Variants in DDX19A observed in about 807,000 individuals in gnomAD.
DDX19A encodes ATP-dependent RNA helicase DDX19A.
In DDX19A, 12 loss-of-function variants were observed where a neutral mutation model predicts 60.6. The ratio of observed to expected loss-of-function variants is 0.20; its 90% confidence interval spans 0.13 to 0.32. DDX19A has a LOEUF of 0.32. Ranked by LOEUF, DDX19A falls within the 10% of genes least tolerant of loss-of-function variation. DDX19A has a pLI of 1.00. For missense variants in DDX19A, 337 were observed against 600.6 expected, an observed-to-expected ratio of 0.56 and a Z score of 4.59; for synonymous variants, 206 against 218.2, an observed-to-expected ratio of 0.94 and a Z score of 0.49.
In DDX19A at chr16:70,356,172, C is replaced by T; in HGVS notation, c.218C>T (p.Thr73Ile). 1.2e-6 allele frequency: 2 copies of T among 1,614,030 alleles called. No homozygotes were observed. Among genetic ancestry groups the T allele is most frequent in the Admixed American group, 1.7e-5 (1 of 59,972 alleles). ...ATCAGAAGCAACCTTGTTGATAACA[C>T]AAACCAAGTGGAAGTCCTGCAACGG... ...KLIRSNLVDN[T>I]NQVEVLQRDP... The change falls in exon 4 of 12, where the codon ACA (threonine) becomes ATA (isoleucine). Residue 73 changes from threonine (T) to isoleucine (I), a missense_variant. By Grantham distance (89) the Thr-to-Ile change is moderately conservative. Around this residue, in one of 6 missense-constraint regions of DDX19A, gnomAD observed 127 missense variants for 160.3 expected, o/e 0.79. Transcript: ENST00000302243.
intron 4 of DDX19A, among the ~76,000 whole-genome samples, chr16:70,357,362 GTTTGTTTTTTTT>G (rs1964234692): frequency 1.2e-4 from 6 of 48,862 alleles, no homozygotes; most frequent in African/African-American, 4.8e-4. Context: ...TCTGTTTTTG[GTTTGTTTTTTTT>G]TTTTTTTTTT....
intron 1 of DDX19A, among the ~76,000 whole-genome samples, chr16:70,348,626 CAAAAA>C (rs1244983371): frequency 2.9e-5 from 1 of 34,890 alleles, no homozygotes; most frequent in Non-Finnish European, 5.4e-5. Context: ...GACTCTGTCT[CAAAAA>C]AAAAAAAAAA....
chr16:70,372,656 TGA>T lies in DDX19A; in HGVS notation c.*678_*679del, dbSNP rs200206359. 0.026 allele frequency: 4,046 copies of T among 153,284 alleles called. 87 individuals carry two copies. The highest frequency in any genetic ancestry group is 0.088 in the Middle Eastern group (26 of 296). The allele number at this position is 153,284 out of a possible 1,614,324, so 9.5% of individuals were successfully genotyped here. On this transcript the variant is annotated 3_prime_UTR_variant, in exon 12 of 12. Coordinates refer to ENST00000302243, the MANE Select transcript of DDX19A (RefSeq NM_018332.5). ...CACGAAAGTCTGAATCCTGACCCCT[TGA>T]GAGAGAGTGATCTGGCGAGGGCCGA...
At chr16:70,355,161 G>A (rs922162701) in intron 2 of DDX19A, among the ~76,000 whole-genome samples, 6 of 151,868 alleles carry the variant, frequency 4.0e-5, no homozygotes, top group Admixed American at 2.6e-4. Flanking sequence ...TCACTTGATC[G>A]AGGTCAGGAG....
Position 70,364,524 on chromosome 16 carries a change from C to G in DDX19A, c.387-19C>G. 1.9e-6 allele frequency: 3 copies of G among 1,578,640 alleles called. No individual in the cohort carries two copies. Among genetic ancestry groups the G allele is most frequent in the Non-Finnish European group, 2.6e-6 (3 of 1,149,272 alleles). ...AGTTTCACCAATTTAAGTTTCATTTCTGTTCTTCCTTGATCCAGCCCACAG... is the reference window on the plus strand; with the variant it reads ...AGTTTCACCAATTTAAGTTTCATTTGTGTTCTTCCTTGATCCAGCCCACAG... On this transcript the variant is annotated intron_variant, in intron 5 of 11. Coordinates refer to ENST00000302243, the MANE Select transcript of DDX19A (RefSeq NM_018332.5).
intron 10 of DDX19A, 59 bp from the exon 11 acceptor site, chr16:70,371,313 G>A (rs1964681576): frequency 2.5e-6 from 4 of 1,614,062 alleles, no homozygotes; most frequent in Non-Finnish European, 3.4e-6. Context: ...ACCTATGGAT[G>A]ACAGTGATTT....
At chr16:70,357,276 T>A (rs867858597) in intron 4 of DDX19A, among the ~76,000 whole-genome samples, 6,249 of 138,226 alleles carry the variant, frequency 0.045, 617 homozygotes, top group African/African-American at 0.16. Flanking sequence ...AAAAAATATA[T>A]ATATATATAT....
chr16:70,355,402 C>A, intron 2 of DDX19A, 83 bp from the exon 3 acceptor site: 1 of 972,150 alleles, frequency 1.0e-6, no homozygotes, highest in Non-Finnish European at 1.6e-6. Context: ...AAATAAATTT[C>A]AGTGTATTTA....
At chr16:70,364,788 C>A in intron 6 of DDX19A, 143 bp downstream of exon 6, 1 of 705,028 alleles carries the variant, frequency 1.4e-6, no homozygotes, top group Non-Finnish European at 2.4e-6. Flanking sequence ...CAGGCCCTGA[C>A]CTGGGAGAAT....
rs1249476756 is a variant in DDX19A, at chr16:70,373,050, TG to T, written c.*1065del. 6.6e-6 allele frequency: 1 copy of T among 151,702 alleles called. No individual in the cohort carries two copies. Among genetic ancestry groups the T allele is most frequent in the Non-Finnish European group, 1.5e-5 (1 of 67,926 alleles). The allele number at this position is 151,702 out of a possible 1,614,324, so 9.4% of individuals were successfully genotyped here. On this transcript the variant is annotated 3_prime_UTR_variant, in exon 12 of 12. Transcript: ENST00000302243. ...GCGTTCGGGACCAGCCTGGCCAACATGATGAAACCCCGTCTCTACCAAAAAT... is the reference window on the plus strand; with the variant it reads ...GCGTTCGGGACCAGCCTGGCCAACATATGAAACCCCGTCTCTACCAAAAAT...
intron 9 of DDX19A, among the ~76,000 whole-genome samples, chr16:70,367,498 A>G (rs536925152): frequency 5.9e-5 from 9 of 152,288 alleles, no homozygotes; most frequent in African/African-American, 1.4e-4. Context: ...AACAACAAAT[A>G]CTTAGAAAAT....
intron 7 of DDX19A, 186 bp downstream of exon 7, chr16:70,365,317 A>C: frequency 2.3e-6 from 1 of 432,496 alleles, no homozygotes; most frequent in Admixed American, 3.9e-5. Context: ...TCTTAAAATA[A>C]GATTTTCGGT....
At chr16:70,348,120 G>A (rs1354520203) in intron 1 of DDX19A, 3 of 273,850 alleles carry the variant, frequency 1.1e-5, no homozygotes, top group Admixed American at 4.7e-5. Flanking sequence ...TATTCTGATA[G>A]CCCCGAGATA....
At position 70,356,204 on chromosome 16, in the gene DDX19A, A is replaced by G. The variant is rs769302675; in HGVS notation, c.250A>G (p.Asn84Asp). 5.6e-6 allele frequency: 9 copies of G among 1,614,038 alleles called. No homozygotes were observed. Among genetic ancestry groups the G allele is most frequent in the South Asian group, 3.3e-5 (3 of 91,078 alleles). ...NQVEVLQRDP[N>D]SPLYSVKSFE... ...AGTGGAAGTCCTGCAACGGGATCCA[A>G]ACTCCCCTCTGTACTCGGTGAAGTC... The change falls in exon 4 of 12, where the codon AAC becomes GAC. Residue 84 changes from asparagine (N) to aspartate (D), a missense_variant. Physicochemically the swap from Asn to Asp is conservative, Grantham distance 23. Around this residue, in one of 6 missense-constraint regions of DDX19A, gnomAD observed 127 missense variants for 160.3 expected, o/e 0.79. Coordinates refer to ENST00000302243, the MANE Select transcript of DDX19A (RefSeq NM_018332.5).
intron 4 of DDX19A, 112 bp from the exon 5 acceptor site, chr16:70,361,306 G>GCACC (rs1964358228): frequency 1.2e-6 from 1 of 825,534 alleles, no homozygotes; most frequent in Non-Finnish European, 2.0e-6. Flanking sequence ...AGGAAAATAC[G>GCACC]TCTGACAGAG....
chr16:70,357,391 T>G (rs1964244991), intron 4 of DDX19A, among the ~76,000 whole-genome samples: 1 of 100,236 alleles, frequency 1.0e-5, no homozygotes, highest in South Asian at 4.3e-4. Flanking sequence ...TTTTTTTTTT[T>G]TTTTTTTTTT....
intron 1 of DDX19A, 99 bp from the exon 2 acceptor site, chr16:70,350,458 G>A (rs114182317): frequency 1.2e-6 from 1 of 813,782 alleles, no homozygotes; most frequent in African/African-American, 1.7e-5. Flanking sequence ...GGTGCTGAAA[G>A]TTTCACACTA....
rs1002048767 is a variant in DDX19A at position 70,356,387 on chromosome 16, G to T, written c.293+140G>T. 9.0e-6 allele frequency: 12 copies of T among 1,340,108 alleles called. No homozygotes were observed. The South Asian group carries it at 1.5e-4, about 16-fold the overall frequency. 83.0% of individuals were successfully genotyped at this position (1,340,108 alleles called of 1,614,324 possible). A position where few individuals can be genotyped will look rare whatever the true frequency, so the allele number is the denominator to read the frequency against. ...CTTTTTTTTTTCGAGACAGAGTTTC[G>T]CTCCTGTTGCCCAGCCTGGAGTGCA... On this transcript the variant is annotated intron_variant, in intron 4 of 11. Transcript: ENST00000302243.
chr16:70,367,838 C>T (rs1427833822), intron 9 of DDX19A, among the ~76,000 whole-genome samples: 2 of 151,206 alleles, frequency 1.3e-5, no homozygotes, highest in Admixed American at 6.6e-5. Context: ...GATCGTGCCC[C>T]TGCACTCCAG....
Sources: gnomAD v4.1 joint callset for allele counts (sites outside exome capture counted in the v4.1 genomes callset) on GRCh38, gnomAD v4.1.1 for gene constraint, gnomAD v4.1.1 regional missense constraint, MANE v1.5 for transcripts, NCBI Gene and HGNC (gene_info 2026-07-23, HGNC 2026-07-21) for gene names.